VEZT: variants seen among roughly 807,000 people sequenced by gnomAD.
VEZT encodes vezatin, adherens junctions transmembrane protein.
In VEZT, 39 loss-of-function variants were observed where a neutral mutation model predicts 79.9. The observed-to-expected ratio is 0.49, with a 90% CI of 0.38 to 0.64. The LOEUF is 0.64. VEZT is among the 30% of genes least tolerant of loss of function. VEZT has a pLI of 0.00. For missense variants in VEZT, 837 were observed against 893.1 expected (o/e 0.94, Z 0.80); for synonymous variants, 325 against 327.6 (o/e 0.99, Z 0.09).
chr12:95,219,812 C>G (rs76634946), intron 1 of VEZT, among the ~76,000 whole-genome samples: 10,205 of 152,290 alleles, frequency 0.067, 453 homozygotes, highest in Middle Eastern at 0.12. Context: ...TTCCTTTAAT[C>G]TTTGCTAATT....
At chr12:95,221,179 C>A (rs2057522742) in intron 1 of VEZT, among the ~76,000 whole-genome samples, 1 of 152,114 alleles carries the variant, frequency 6.6e-6, no homozygotes, top group Non-Finnish European at 1.5e-5. Flanking sequence ...TGGGTTGTTT[C>A]TTTTTCTTGC....
chr12:95,218,207 G>A (rs970477192), intron 1 of VEZT: 1 of 251,362 alleles, frequency 4.0e-6, no homozygotes, highest in African/African-American at 2.2e-5. Context: ...GCCCGGCTGG[G>A]GCGGGGCCGA....
At chr12:95,297,949 CT>C (rs2074508053) in intron 11 of VEZT, among the ~76,000 whole-genome samples, 1 of 151,814 alleles carries the variant, frequency 6.6e-6, no homozygotes, top group South Asian at 2.1e-4. Context: ...GCGAAACCCC[CT>C]CTCTACTAAA....
chr12:95,229,832 G>C (rs1052820203), intron 1 of VEZT, among the ~76,000 whole-genome samples: 1 of 152,120 alleles, frequency 6.6e-6, no homozygotes, highest in African/African-American at 2.4e-5. Context: ...GCTCATGCCT[G>C]TAATCCCAGC....
intron 9 of VEZT, among the ~76,000 whole-genome samples, chr12:95,292,313 G>A (rs939665248): frequency 6.6e-6 from 1 of 152,102 alleles, no homozygotes; most frequent in Non-Finnish European, 1.5e-5. Flanking sequence ...ACTGTTTAAT[G>A]TACCTGTTTA....
At position 95,294,249 on chromosome 12, in the gene VEZT, CCATCTATTCCCGTTTTTTAAAGG is replaced by C; in HGVS notation, c.1523-20_1525del. 6.5e-7 allele frequency: 1 copy of C among 1,540,822 alleles called. No individual in the cohort carries two copies. On this transcript the variant is annotated splice_acceptor_variant and splice_polypyrimidine_tract_variant and coding_sequence_variant and intron_variant, in exon 10 of 12. Coordinates refer to ENST00000436874, the MANE Select transcript of VEZT (RefSeq NM_017599.4). LOFTEE classifies it high-confidence loss of function. The stretch of plus-strand genomic sequence containing the variant: ...TGTGGTCTGTTTCTTATCTTTATTC[CCATCTATTCCCGTTTTTTAAAGG>C]CAAGCCTGAAATAGCATGTGAAAAC...
At chr12:95,264,329 T>TTA (rs1264769675) in intron 4 of VEZT, among the ~76,000 whole-genome samples, 1 of 152,252 alleles carries the variant, frequency 6.6e-6, no homozygotes, top group East Asian at 1.9e-4. Context: ...CTATAAATGA[T>TTA]TTTAGAGTTT....
chr12:95,269,969 T>C (rs2066276936), intron 5 of VEZT, 82 bp from the exon 6 acceptor site: 2 of 1,475,808 alleles, frequency 1.4e-6, no homozygotes, highest in Non-Finnish European at 1.8e-6. Context: ...CTACATTTAA[T>C]AGAATTGTGG....
At chr12:95,224,651 G>C (rs1287943289) in intron 1 of VEZT, among the ~76,000 whole-genome samples, 1 of 152,200 alleles carries the variant, frequency 6.6e-6, no homozygotes, top group Non-Finnish European at 1.5e-5. Context: ...CTTTTGAAGA[G>C]CTGAAAGCTT....
chr12:95,235,351 A>C (rs1405586199), intron 1 of VEZT, among the ~76,000 whole-genome samples: 1 of 127,376 alleles, frequency 7.9e-6, no homozygotes, highest in African/African-American at 3.1e-5. Context: ...CTCACTTCCC[A>C]GTAGGGGCGG....
chr12:95,235,220 C>A (rs2059878623), intron 1 of VEZT, among the ~76,000 whole-genome samples: 1 of 151,618 alleles, frequency 6.6e-6, no homozygotes, highest in African/African-American at 2.4e-5. Flanking sequence ...CTCCTCACTT[C>A]CCAGTAGGGG....
At chr12:95,294,209 G>A in intron 9 of VEZT, 63 bp from the exon 10 acceptor site, 3 of 1,385,076 alleles carry the variant, frequency 2.2e-6, no homozygotes, top group East Asian at 5.0e-5. Context: ...TTAATTAGAT[G>A]TTCACTCATT....
intron 1 of VEZT, among the ~76,000 whole-genome samples, chr12:95,235,232 G>A (rs1047485383): frequency 6.6e-6 from 1 of 150,932 alleles, no homozygotes; most frequent in Non-Finnish European, 1.5e-5. Context: ...CAGTAGGGGC[G>A]GCCGGGCAGA....
At chr12:95,256,432 C>T (rs187428041) in intron 2 of VEZT, 1 of 458,444 alleles carries the variant, frequency 2.2e-6, no homozygotes, top group African/African-American at 2.1e-5. Context: ...CTCCTCTTTT[C>T]CAATACTTTT....
chr12:95,263,611 ACTGCACTCC>A, intron 4 of VEZT: 1 of 152,336 alleles, frequency 6.6e-6, no homozygotes, highest in East Asian at 1.9e-4. Flanking sequence ...TGATCACACC[ACTGCACTCC>A]AGCCTGAGCA....
chr12:95,229,173 C>A (rs879312930), intron 1 of VEZT, among the ~76,000 whole-genome samples: 3 of 152,064 alleles, frequency 2.0e-5, no homozygotes, highest in Non-Finnish European at 2.9e-5. Context: ...ATCCTTGGGG[C>A]TCCAGTTTAG....
intron 3 of VEZT, among the ~76,000 whole-genome samples, chr12:95,260,372 C>T (rs973538252): frequency 1.1e-4 from 16 of 152,108 alleles, no homozygotes; most frequent in African/African-American, 3.9e-4. Context: ...TCCCAAAGTG[C>T]TGGGATTACA....
intron 1 of VEZT, among the ~76,000 whole-genome samples, chr12:95,244,772 T>C (rs1281058297): frequency 1.4e-5 from 2 of 143,470 alleles, no homozygotes; most frequent in Non-Finnish European, 3.1e-5. Context: ...TAATTTTTTT[T>C]GGTGTGTTTT....
At chr12:95,250,282 A>T (rs12426487) in intron 1 of VEZT, among the ~76,000 whole-genome samples, 14,266 of 114,794 alleles carry the variant, frequency 0.12, 1,009 homozygotes, top group Non-Finnish European at 0.18. Flanking sequence ...AAGATTTATT[A>T]TTTTTTTTTT....
Sources: allele counts gnomAD v4.1 joint callset (sites outside exome capture counted in the v4.1 genomes callset), GRCh38; gene constraint gnomAD v4.1.1; transcripts MANE v1.5; gene names NCBI Gene and HGNC (gene_info 2026-07-23, HGNC 2026-07-21).